Variants in STAG1 observed in about 807,000 individuals in gnomAD.
STAG1 encodes the protein cohesin subunit SA-1.
A neutral mutation model predicts 170.9 loss-of-function variants in STAG1; 26 were observed. That is an observed-to-expected ratio of 0.15 (90% CI 0.11 to 0.21). The LOEUF (loss-of-function observed/expected upper bound fraction) is 0.21, where lower values mean the gene tolerates loss of function less well. Ranked by LOEUF, STAG1 falls within the 10% of genes least tolerant of loss-of-function variation. The probability of loss-of-function intolerance (pLI) is 1.00; values close to 1 mark genes in which losing one functional copy is unlikely to be tolerated. For synonymous variants in STAG1, 514 were observed against 497.7 expected (o/e 1.03, Z -0.44); for missense variants, 964 against 1,509.5 (o/e 0.64, Z 5.99).
At chr3:136,695,095 T>C (rs529332459) in intron 1 of STAG1, among the ~76,000 whole-genome samples, 37 of 152,350 alleles carry the variant, frequency 2.4e-4, no homozygotes, top group Non-Finnish European at 4.7e-4. Context: ...AGACTGTTTT[T>C]TGGCCTTGGC....
chr3:136,736,481 G>C, intron 1 of STAG1: 1 of 1,329,776 alleles, frequency 7.5e-7, no homozygotes, highest in Non-Finnish European at 1.1e-6. Flanking sequence ...CTGTGCCTGT[G>C]ACCCCGGGTG....
chr3:136,689,224 C>T (rs1014310682), intron 1 of STAG1, among the ~76,000 whole-genome samples: 2 of 152,160 alleles, frequency 1.3e-5, no homozygotes, highest in African/African-American at 4.8e-5. Flanking sequence ...ATAACCAATA[C>T]ATATTGCATA....
At chr3:136,446,682 C>G (rs973487924) in intron 14 of STAG1, among the ~76,000 whole-genome samples, 2 of 152,096 alleles carry the variant, frequency 1.3e-5, no homozygotes, top group East Asian at 1.9e-4. Context: ...CTCATCCTCC[C>G]AAAGTGTTGG....
intron 4 of STAG1, among the ~76,000 whole-genome samples, chr3:136,571,936 A>G (rs745943191): frequency 2.0e-5 from 3 of 151,848 alleles, no homozygotes; most frequent in Non-Finnish European, 4.4e-5. Flanking sequence ...TAATCCCAAC[A>G]CTTTGGGAGG....
chr3:136,562,822 A>G (rs955278103), intron 5 of STAG1, among the ~76,000 whole-genome samples: 13 of 152,142 alleles, frequency 8.5e-5, no homozygotes, highest in African/African-American at 3.1e-4. Flanking sequence ...TCCTGACCTC[A>G]GGTGATCTGC....
At chr3:136,596,438 T>C (rs959837199) in intron 4 of STAG1, among the ~76,000 whole-genome samples, 4 of 152,120 alleles carry the variant, frequency 2.6e-5, no homozygotes, top group African/African-American at 9.7e-5. Flanking sequence ...CATAATAATA[T>C]TGCACACACA....
chr3:136,372,990 G>A (rs1321229961), intron 23 of STAG1, among the ~76,000 whole-genome samples: 3 of 151,596 alleles, frequency 2.0e-5, no homozygotes, highest in Admixed American at 2.0e-4. Flanking sequence ...GACTTTTTTT[G>A]GTTGGTAAGC....
At chr3:136,535,121 A>G (rs1186933684) in intron 6 of STAG1, among the ~76,000 whole-genome samples, 1 of 152,232 alleles carries the variant, frequency 6.6e-6, no homozygotes, top group Non-Finnish European at 1.5e-5. Context: ...TCCTTATATT[A>G]AGTGTAATAA....
intron 1 of STAG1, among the ~76,000 whole-genome samples, chr3:136,714,963 A>ATATATAT (rs1249671152): frequency 1.6e-5 from 1 of 61,702 alleles, no homozygotes; most frequent in Non-Finnish European, 4.1e-5. Flanking sequence ...ATATATATAT[A>ATATATAT]TTTTATATAT....
chr3:136,453,617 G>A (rs1399520674), intron 13 of STAG1, among the ~76,000 whole-genome samples: 1 of 150,492 alleles, frequency 6.6e-6, no homozygotes, highest in Non-Finnish European at 1.5e-5. Context: ...AATTGCTAAA[G>A]GTATCTTATT....
At chr3:136,529,854 A>C (rs1384056952) in intron 6 of STAG1, among the ~76,000 whole-genome samples, 1 of 152,260 alleles carries the variant, frequency 6.6e-6, no homozygotes, top group Admixed American at 6.5e-5. Flanking sequence ...CCAGAAAACA[A>C]TTAACACTAT....
At chr3:136,477,013 ATATAATGATTTTCTTTCTCTGAAAACTT>A (rs1357390808) in intron 10 of STAG1, among the ~76,000 whole-genome samples, 2 of 152,206 alleles carry the variant, frequency 1.3e-5, no homozygotes, top group Non-Finnish European at 2.9e-5. Flanking sequence ...TAGAAAAAGA[ATATAATGATTTTCTTTCTCTGAAAACTT>A]TATATATACC....
At position 136,422,565 on chromosome 3, in the gene STAG1, C is replaced by G. The variant is rs774492433; in HGVS notation, c.1882G>C (p.Val628Leu). Residue 628 changes from valine to leucine, a missense_variant, in exon 19 of 34, where the codon GTA (valine) becomes CTA (leucine). This residue lies in a region of STAG1 where 232 missense variants were observed against 313.0 expected (regional missense o/e 0.74). Coordinates refer to ENST00000383202, the MANE Select transcript of STAG1 (RefSeq NM_005862.3). ...CAGGCTTCTAGAACATCTGATTCTACGTGTTTCTCCACAACAAACTTAATC... is the reference window on the plus strand; with the variant it reads ...CAGGCTTCTAGAACATCTGATTCTAGGTGTTTCTCCACAACAAACTTAATC... ...KQIKFVVEKH[V>L]ESDVLEACSK... The G allele has an allele frequency of 6.2e-7, 1 of 1,613,948 alleles. No individual in the cohort carries two copies. Among genetic ancestry groups the G allele is most frequent in the South Asian group, 1.1e-5 (1 of 91,080 alleles).
At chr3:136,736,909 T>C (rs1427407556) in intron 1 of STAG1, 1 of 1,588,602 alleles carries the variant, frequency 6.3e-7, no homozygotes, top group Non-Finnish European at 8.6e-7. Context: ...CTTCTTTTGC[T>C]CCTGATCTAG....
At chr3:136,421,908 T>C (rs1361583056) in intron 19 of STAG1, among the ~76,000 whole-genome samples, 1 of 152,016 alleles carries the variant, frequency 6.6e-6, no homozygotes, top group Non-Finnish European at 1.5e-5. Context: ...CCCAGCACTT[T>C]GGGAGGCTGA....
intron 23 of STAG1, among the ~76,000 whole-genome samples, chr3:136,375,838 T>C (rs1255752077): frequency 6.6e-6 from 1 of 151,398 alleles, no homozygotes. Flanking sequence ...GGCGTAGTGG[T>C]GGGCACCTGT....
At chr3:136,698,304 G>GA in intron 1 of STAG1, among the ~76,000 whole-genome samples, 1 of 151,726 alleles carries the variant, frequency 6.6e-6, no homozygotes, top group South Asian at 2.1e-4. Context: ...AAATCAGCAA[G>GA]AAAAAAACAA....
chr3:136,356,700 GT>G (rs1307654622), intron 28 of STAG1, among the ~76,000 whole-genome samples: 1 of 152,100 alleles, frequency 6.6e-6, no homozygotes, highest in African/African-American at 2.4e-5. Flanking sequence ...TGTCTTAACA[GT>G]TTATAAAATT....
intron 1 of STAG1, among the ~76,000 whole-genome samples, chr3:136,640,955 G>A (rs185288662): frequency 5.3e-5 from 8 of 152,258 alleles, no homozygotes; most frequent in Admixed American, 2.0e-4. Flanking sequence ...GATTACAGGC[G>A]TGAGCCACTG....
Sources: gnomAD v4.1 joint callset for allele counts (sites outside exome capture counted in the v4.1 genomes callset) on GRCh38, gnomAD v4.1.1 for gene constraint, gnomAD v4.1.1 regional missense constraint, MANE v1.5 for transcripts, NCBI Gene and HGNC (gene_info 2026-07-23, HGNC 2026-07-21) for gene names.